Variants in PDE11A observed in about 807,000 individuals in gnomAD.
The protein encoded by PDE11A is phosphodiesterase 11A.
PDE11A carries 100 observed loss-of-function variants against 100.5 expected under a neutral mutation model. The observed-to-expected ratio is 1.00, with a 90% CI of 0.85 to 1.18. PDE11A has a LOEUF of 1.18. Among genes scored for constraint, PDE11A ranks in the 50% most tolerant of loss-of-function variants. The probability of loss-of-function intolerance (pLI) is 0.00; values close to 1 mark genes in which losing one functional copy is unlikely to be tolerated. For synonymous variants in PDE11A, 381 were observed against 420.8 expected (o/e 0.91, Z 1.16); for missense variants, 1,141 against 1,152.6 (o/e 0.99, Z 0.15).
At position 177,977,195 on chromosome 2, in the gene PDE11A, C is replaced by T. The variant is rs868193207; in HGVS notation, c.1071+37107G>A. ...TGATTGTTTATCTAGAAAACCCCAT[C>T]GTCTCAGCCCAAAATCTCCTTAAGC... On this transcript the variant is annotated intron_variant, in intron 2 of 19. Transcript: ENST00000286063. 1.8e-4 allele frequency among the ~76,000 whole-genome samples: 9 copies of T among 49,224 alleles called. 1 individual carries two copies. The highest frequency in any genetic ancestry group is 5.1e-4 in the Admixed American group (2 of 3,914). The allele number at this position is 49,224 out of a possible 152,430, so 32.3% of individuals were successfully genotyped here.
intron 2 of PDE11A, among the ~76,000 whole-genome samples, chr2:177,909,499 G>T (rs2105740739): frequency 6.6e-6 from 1 of 152,246 alleles, no homozygotes; most frequent in Non-Finnish European, 1.5e-5. Flanking sequence ...ACTAGTTTCA[G>T]CTACATCCCT....
intron 10 of PDE11A, among the ~76,000 whole-genome samples, chr2:177,743,791 G>C (rs1262155206): frequency 6.6e-6 from 1 of 152,160 alleles, no homozygotes; most frequent in Non-Finnish European, 1.5e-5. Flanking sequence ...TAAGAACTTG[G>C]ACAGTTTTAC....
intron 12 of PDE11A, among the ~76,000 whole-genome samples, chr2:177,715,515 C>T (rs1193700818): frequency 6.6e-6 from 1 of 150,646 alleles, no homozygotes; most frequent in African/African-American, 2.4e-5. Context: ...TTTTTTCTGC[C>T]CTATTTGAAT....
intron 2 of PDE11A, among the ~76,000 whole-genome samples, chr2:178,087,680 T>C (rs1035843213): frequency 2.6e-5 from 4 of 152,200 alleles, no homozygotes; most frequent in African/African-American, 7.2e-5. Context: ...TTCACCACTA[T>C]GTAATCTATG....
chr2:178,042,639 T>C (rs1037742725), intron 1 of PDE11A, among the ~76,000 whole-genome samples: 4 of 152,180 alleles, frequency 2.6e-5, no homozygotes, highest in Admixed American at 6.6e-5. Flanking sequence ...AAGATATTAA[T>C]GTGTAGCTAA....
At chr2:177,848,669 G>A (rs902860529) in intron 5 of PDE11A, among the ~76,000 whole-genome samples, 5 of 152,090 alleles carry the variant, frequency 3.3e-5, no homozygotes, top group Admixed American at 2.6e-4. Flanking sequence ...CAGAAAACAC[G>A]TAATTCCTGA....
At chr2:177,921,354 T>A (rs2085041503) in intron 2 of PDE11A, among the ~76,000 whole-genome samples, 1 of 151,538 alleles carries the variant, frequency 6.6e-6, no homozygotes, top group East Asian at 1.9e-4. Flanking sequence ...ATGGGATGCA[T>A]AATACATACA....
At chr2:177,817,602 T>A (rs3821008) in intron 8 of PDE11A, among the ~76,000 whole-genome samples, 14,702 of 152,078 alleles carry the variant, frequency 0.097, 743 homozygotes, top group Middle Eastern at 0.14. Flanking sequence ...AAAATAGCAC[T>A]TTGGGGAAAA....
At chr2:178,007,127 G>A (rs1219661163) in intron 2 of PDE11A, among the ~76,000 whole-genome samples, 1 of 152,166 alleles carries the variant, frequency 6.6e-6, no homozygotes, top group East Asian at 1.9e-4. Flanking sequence ...TATAAGAAGA[G>A]AAGTGAATGT....
chr2:178,030,076 G>T (rs1011818866), intron 1 of PDE11A, among the ~76,000 whole-genome samples: 2 of 151,928 alleles, frequency 1.3e-5, no homozygotes, highest in Non-Finnish European at 1.5e-5. Context: ...TTCTGTTATA[G>T]CAGCACAAAA....
intron 2 of PDE11A, among the ~76,000 whole-genome samples, chr2:177,957,870 C>T (rs1003242426): frequency 6.8e-6 from 1 of 146,342 alleles, no homozygotes; most frequent in Non-Finnish European, 1.5e-5. Context: ...TGAAGACCAC[C>T]TATACATTGC....
At chr2:177,646,919 T>C (rs956595193) in intron 19 of PDE11A, among the ~76,000 whole-genome samples, 1 of 152,234 alleles carries the variant, frequency 6.6e-6, no homozygotes, top group African/African-American at 2.4e-5. Flanking sequence ...TCTTGTGTTA[T>C]AATGAGCCCC....
At chr2:177,776,135 T>C (rs1042148137) in intron 9 of PDE11A, among the ~76,000 whole-genome samples, 3 of 152,178 alleles carry the variant, frequency 2.0e-5, no homozygotes, top group Non-Finnish European at 4.4e-5. Flanking sequence ...GCCTTATATA[T>C]GAGCATAAAG....
At chr2:177,859,837 G>C (rs1007553248) in intron 5 of PDE11A, among the ~76,000 whole-genome samples, 1 of 151,804 alleles carries the variant, frequency 6.6e-6, no homozygotes, top group East Asian at 1.9e-4. Flanking sequence ...ACAAATATTG[G>C]TTAGTAAAAC....
chr2:177,794,766 TTTTGTTTG>T (rs34096798), intron 9 of PDE11A, among the ~76,000 whole-genome samples: 1,090 of 72,524 alleles, frequency 0.015, 11 homozygotes, highest in African/African-American at 0.061. Context: ...GGTGTCTGGT[TTTTGTTTG>T]TTTGTTTGTT....
chr2:177,627,017 C>CTTT lies in PDE11A; in HGVS notation c.*2387_*2389dup, dbSNP rs768524227. 1.2e-4 allele frequency: 5 copies of CTTT among 40,916 alleles called. 2 individuals are homozygous for CTTT. The highest frequency in any genetic ancestry group is 5.7e-4 in the African/African-American group (4 of 6,998). 2.5% of individuals were successfully genotyped at this position (40,916 alleles called of 1,614,324 possible). A position where few individuals can be genotyped will look rare whatever the true frequency, so the allele number is the denominator to read the frequency against. ...TATTCCCCTCTTAGTCTGGTTTATA[C>CTTT]TTTTTTTTTTTTTTTTTTTTTTTTT... On this transcript the variant is annotated 3_prime_UTR_variant, in exon 20 of 20. Coordinates refer to ENST00000286063, the MANE Select transcript of PDE11A (RefSeq NM_016953.4).
chr2:178,014,581 C>T, intron 1 of PDE11A, 121 bp from the exon 2 acceptor site: 1 of 756,234 alleles, frequency 1.3e-6, no homozygotes, highest in East Asian at 2.7e-5. Context: ...AATTTTTAAT[C>T]ACAATAACAG....
rs371590580 is a variant in PDE11A, at chr2:177,845,399, C to T, written c.1368-5016G>A. Among the ~76,000 whole-genome samples the T allele has an allele frequency of 6.6e-5, 10 of 150,590 alleles. 1 individual carries two copies. In the South Asian group the frequency reaches 8.4e-4, roughly 13 times the overall value. On this transcript the variant is annotated intron_variant, in intron 5 of 19. Transcript: ENST00000286063. The stretch of plus-strand genomic sequence containing the variant: ...GCTCCTCACATCCCAGACGGGGCAG[C>T]GGGGCAGAGGCGCTCCCCACATCTC...
intron 2 of PDE11A, among the ~76,000 whole-genome samples, chr2:177,953,432 A>T (rs2085527217): frequency 6.6e-6 from 1 of 152,206 alleles, no homozygotes; most frequent in Non-Finnish European, 1.5e-5. Context: ...AGTGAATATC[A>T]TAATGTTTTA....
Sources: allele counts gnomAD v4.1 joint callset (sites outside exome capture counted in the v4.1 genomes callset), GRCh38; gene constraint gnomAD v4.1.1; transcripts MANE v1.5; gene names NCBI Gene and HGNC (gene_info 2026-07-23, HGNC 2026-07-21).